CEP63: variants seen among roughly 807,000 people sequenced by gnomAD.
CEP63 encodes centrosomal protein 63, also known as centrosomal protein of 63 kDa.
A neutral mutation model predicts 89.1 loss-of-function variants in CEP63; 84 were observed. The observed-to-expected ratio is 0.94, with a 90% CI of 0.79 to 1.13. CEP63 has a LOEUF of 1.13. Among genes scored for constraint, CEP63 ranks in the 50% most tolerant of loss-of-function variants. CEP63 has a pLI of 0.00. For synonymous variants in CEP63, 267 were observed against 272.5 expected, an observed-to-expected ratio of 0.98 and a Z score of 0.20; for missense variants, 838 against 813.3, an observed-to-expected ratio of 1.03 and a Z score of -0.37.
intron 12 of CEP63, 106 bp downstream of exon 12, chr3:134,552,118 T>G (rs1223533384): frequency 1.6e-6 from 1 of 636,294 alleles, no homozygotes; most frequent in African/African-American, 1.9e-5. Flanking sequence ...TTAGATCCTT[T>G]TGCAGAAATT....
chr3:134,540,332 T>C (rs1037884133), intron 6 of CEP63, among the ~76,000 whole-genome samples: 2 of 152,228 alleles, frequency 1.3e-5, no homozygotes, highest in Admixed American at 6.5e-5. Context: ...CAGTCCCTTA[T>C]TGTAGAACAT....
chr3:134,753,634 A>C, the CEP63 span, among the ~76,000 whole-genome samples: 2 of 152,242 alleles, frequency 1.3e-5, no homozygotes, highest in Admixed American at 6.5e-5. Flanking sequence ...AAACATACAC[A>C]GTCACATTCC....
At chr3:134,598,859 T>C in the CEP63 span, among the ~76,000 whole-genome samples, 1 of 152,132 alleles carries the variant, frequency 6.6e-6, no homozygotes, top group Non-Finnish European at 1.5e-5. Flanking sequence ...AAAGAGGACA[T>C]CCCCGTTAAC....
At chr3:134,521,170 G>A (rs1320531038) in intron 3 of CEP63, among the ~76,000 whole-genome samples, 2 of 152,064 alleles carry the variant, frequency 1.3e-5, no homozygotes, top group African/African-American at 4.8e-5. Context: ...ATGTGAAAAG[G>A]TGCTTGGTTT....
chr3:134,643,469 G>T, the CEP63 span: 12 of 1,034,998 alleles, frequency 1.2e-5, no homozygotes, highest in South Asian at 1.6e-4. Context: ...GGGAAAGGTG[G>T]GCTGGCGGGG....
the CEP63 span, among the ~76,000 whole-genome samples, chr3:134,761,937 G>A: frequency 6.6e-6 from 1 of 152,188 alleles, no homozygotes; most frequent in Admixed American, 6.5e-5. Context: ...TACTCTAGCT[G>A]CTCCTTCTTC....
At chr3:134,665,717 AGAGAGAGACAGG>A in the CEP63 span, among the ~76,000 whole-genome samples, 158 of 141,610 alleles carry the variant, frequency 1.1e-3, no homozygotes, top group Admixed American at 2.0e-3. Flanking sequence ...AGAGAGAGAG[AGAGAGAGACAGG>A]GACAGAGCGA....
the CEP63 span, among the ~76,000 whole-genome samples, chr3:134,689,148 C>CCT: frequency 4.0e-5 from 6 of 151,448 alleles, no homozygotes; most frequent in Non-Finnish European, 7.4e-5. Flanking sequence ...TCTCTCTCTC[C>CCT]CTCTCTCTCT....
At chr3:134,553,588 A>C (rs192210923) in intron 12 of CEP63, 1 of 152,306 alleles carries the variant, frequency 6.6e-6, no homozygotes, top group Non-Finnish European at 1.5e-5. Context: ...ATAAAGCAAA[A>C]TAGACATTCT....
chr3:134,496,046 T>C (rs1939792434), intron 2 of CEP63, among the ~76,000 whole-genome samples: 1 of 152,226 alleles, frequency 6.6e-6, no homozygotes. Flanking sequence ...GGGGTACAAG[T>C]ATCCCTTTCA....
intron 3 of CEP63, among the ~76,000 whole-genome samples, chr3:134,523,980 C>A (rs575618762): frequency 6.6e-6 from 1 of 152,176 alleles, no homozygotes; most frequent in East Asian, 1.9e-4. Flanking sequence ...TTGCTTTGGG[C>A]AGTATAGCCA....
intron 3 of CEP63, among the ~76,000 whole-genome samples, chr3:134,530,746 T>G (rs1211813076): frequency 1.3e-5 from 2 of 152,220 alleles, no homozygotes; most frequent in African/African-American, 4.8e-5. Context: ...CAGTTTGAAC[T>G]TTAGAATGAC....
the CEP63 span, among the ~76,000 whole-genome samples, chr3:134,764,943 A>T: frequency 6.6e-6 from 1 of 152,170 alleles, no homozygotes; most frequent in Non-Finnish European, 1.5e-5. Flanking sequence ...TACTTTCAGA[A>T]TCCTTTAACG....
the CEP63 span, among the ~76,000 whole-genome samples, chr3:134,630,727 G>A: frequency 1.3e-5 from 2 of 152,220 alleles, no homozygotes; most frequent in South Asian, 2.1e-4. Context: ...GCATTGCAAA[G>A]GCTACAGTTC....
chr3:134,696,095 C>G, the CEP63 span, among the ~76,000 whole-genome samples: 1 of 152,184 alleles, frequency 6.6e-6, no homozygotes, highest in Non-Finnish European at 1.5e-5. Context: ...CTTTTAGAGA[C>G]ACAGAGGAGC....
the CEP63 span, chr3:134,650,882 G>T: frequency 3.7e-6 from 6 of 1,612,876 alleles, no homozygotes; most frequent in East Asian, 8.9e-5. Flanking sequence ...AGCGTACCCT[G>T]TGCGGCGCGC....
chr3:134,626,851 T>TCAGG, the CEP63 span, among the ~76,000 whole-genome samples: 1 of 152,220 alleles, frequency 6.6e-6, no homozygotes, highest in South Asian at 2.1e-4. Context: ...CTGGGGATAC[T>TCAGG]CAGGCAGGCC....
chr3:134,490,937 G>T (rs376490033), intron 1 of CEP63, among the ~76,000 whole-genome samples: 1 of 152,066 alleles, frequency 6.6e-6, no homozygotes, highest in Non-Finnish European at 1.5e-5. Flanking sequence ...TTACAGTTTC[G>T]TAGTACTCCA....
At chr3:134,651,080 TC>T in the CEP63 span, 3 of 1,493,034 alleles carry the variant, frequency 2.0e-6, no homozygotes, top group Non-Finnish European at 1.8e-6. Flanking sequence ...AAGAGGGCGC[TC>T]CCCCGCCGCT....
Sources: gnomAD v4.1 joint callset for allele counts (sites outside exome capture counted in the v4.1 genomes callset) on GRCh38, gnomAD v4.1.1 for gene constraint, MANE v1.5 for transcripts, NCBI Gene and HGNC (gene_info 2026-07-23, HGNC 2026-07-21) for gene names.